The following SNX29 variants were observed in gnomAD, a reference collection of about 807,000 sequenced individuals.
The protein encoded by SNX29 is sorting nexin-29.
Under a neutral mutation model 102.1 loss-of-function variants are expected in SNX29, and 78 were observed. The observed-to-expected ratio is 0.76, with a 90% CI of 0.64 to 0.92. SNX29 has a LOEUF of 0.92. Ranked by LOEUF, SNX29 falls within the 40% of genes least tolerant of loss-of-function variation. The pLI is 0.00. For synonymous variants in SNX29, 580 were observed against 414.5 expected, an observed-to-expected ratio of 1.40 and a Z score of -4.85; for missense variants, 1,280 against 1,061.7, an observed-to-expected ratio of 1.21 and a Z score of -2.86.
At chr16:12,205,164 A>G (rs1479455094) in intron 14 of SNX29, among the ~76,000 whole-genome samples, 1 of 152,160 alleles carries the variant, frequency 6.6e-6, no homozygotes, top group African/African-American at 2.4e-5. Context: ...CTTGCAGGGT[A>G]ACTTTTTATT....
intron 18 of SNX29, among the ~76,000 whole-genome samples, chr16:12,429,705 A>AT (rs1467467608): frequency 1.3e-5 from 2 of 152,144 alleles, no homozygotes; most frequent in Non-Finnish European, 2.9e-5. Context: ...TTTGCTCAAC[A>AT]TTTAAGTTTT....
At chr16:12,481,425 CAT>C (rs1788336999) in intron 19 of SNX29, among the ~76,000 whole-genome samples, 1 of 149,634 alleles carries the variant, frequency 6.7e-6, no homozygotes, top group Admixed American at 6.7e-5. Context: ...TACATACACA[CAT>C]ATACACATAT....
intron 19 of SNX29, among the ~76,000 whole-genome samples, chr16:12,494,713 G>A (rs575852282): frequency 6.6e-6 from 1 of 152,208 alleles, no homozygotes; most frequent in South Asian, 2.1e-4. Flanking sequence ...GTTCTTTTTT[G>A]TAATGAGTTT....
chr16:12,186,871 A>G (rs1030993866), intron 13 of SNX29, among the ~76,000 whole-genome samples: 1 of 152,230 alleles, frequency 6.6e-6, no homozygotes, highest in East Asian at 1.9e-4. Flanking sequence ...ATAAAGAGAC[A>G]CTATAGCAAG....
chr16:12,146,262 A>ATTT (rs112354273), intron 13 of SNX29, among the ~76,000 whole-genome samples: 7 of 143,916 alleles, frequency 4.9e-5, no homozygotes, highest in African/African-American at 1.8e-4. Context: ...AAAGTATATG[A>ATTT]TTTTTTTTTT....
intron 16 of SNX29, among the ~76,000 whole-genome samples, chr16:12,391,315 G>A (rs2083521547): frequency 6.6e-6 from 1 of 152,128 alleles, no homozygotes; most frequent in Non-Finnish European, 1.5e-5. Context: ...AACATCATAG[G>A]TTAATTAATT....
chr16:12,442,470 G>C (rs2085850601), intron 18 of SNX29, among the ~76,000 whole-genome samples: 1 of 152,186 alleles, frequency 6.6e-6, no homozygotes, highest in Non-Finnish European at 1.5e-5. Context: ...GGGCCAGATA[G>C]TAAATATTTT....
intron 11 of SNX29, among the ~76,000 whole-genome samples, chr16:12,119,676 C>T (rs1045062214): frequency 4.0e-4 from 61 of 152,212 alleles, no homozygotes; most frequent in African/African-American, 1.4e-3. Flanking sequence ...TGAGGCTGTG[C>T]GCTGCCTCCC....
intron 4 of SNX29, 21 bp from the exon 5 acceptor site, chr16:12,042,876 G>A (rs747148865): frequency 3.1e-6 from 5 of 1,587,770 alleles, no homozygotes; most frequent in East Asian, 4.5e-5. Flanking sequence ...AGTGCCAGGC[G>A]CCTGTGCCCT....
At chr16:12,209,349 C>G (rs913008846) in intron 14 of SNX29, among the ~76,000 whole-genome samples, 1 of 152,170 alleles carries the variant, frequency 6.6e-6, no homozygotes, top group Non-Finnish European at 1.5e-5. Flanking sequence ...GCCACCATGC[C>G]TGGCTCATTT....
intron 19 of SNX29, among the ~76,000 whole-genome samples, chr16:12,513,351 C>G (rs1321921122): frequency 6.6e-6 from 1 of 150,548 alleles, no homozygotes; most frequent in Admixed American, 6.6e-5. Context: ...CTGCCCTGCT[C>G]TCTTCTCCTC....
At chr16:12,509,061 C>T (rs977019926) in intron 19 of SNX29, among the ~76,000 whole-genome samples, 3 of 152,180 alleles carry the variant, frequency 2.0e-5, no homozygotes, top group African/African-American at 7.2e-5. Flanking sequence ...GGTCTCTCTG[C>T]CCACTGAGAC....
rs566967680 is a variant in SNX29, at chr16:12,565,503, C to T, written c.2319-3003C>T. 3.9e-5 allele frequency among the ~76,000 whole-genome samples: 6 copies of T among 152,292 alleles called. No individual in the cohort carries two copies. The South Asian group carries it at 1.2e-3, about 32-fold the overall frequency. ...AGCACCCCTGCCTCCAAGCCTGTGT[C>T]CCGAGACATGGCTCTGCTCCACATG... On this transcript the variant is annotated intron_variant, in intron 20 of 20. Coordinates refer to ENST00000566228, the MANE Select transcript of SNX29 (RefSeq NM_032167.5).
chr16:12,418,011 G>A (rs2151574225), intron 18 of SNX29, among the ~76,000 whole-genome samples: 1 of 152,100 alleles, frequency 6.6e-6, no homozygotes, highest in East Asian at 1.9e-4. Flanking sequence ...TAAAGCCGCA[G>A]GGCACGTTTT....
At chr16:12,465,392 G>A (rs1315800011) in intron 18 of SNX29, among the ~76,000 whole-genome samples, 2 of 152,002 alleles carry the variant, frequency 1.3e-5, no homozygotes, top group African/African-American at 4.8e-5. Flanking sequence ...TTTTTATATG[G>A]TGTAAGACAA....
intron 1 of SNX29, among the ~76,000 whole-genome samples, chr16:11,985,101 T>A (rs1015886600): frequency 9.7e-4 from 146 of 150,800 alleles, no homozygotes; most frequent in African/African-American, 2.9e-3. Context: ...TTTTGATTCC[T>A]TTTTTTTTTG....
At chr16:12,105,889 A>T (rs2053216104) in intron 11 of SNX29, among the ~76,000 whole-genome samples, 1 of 151,922 alleles carries the variant, frequency 6.6e-6, no homozygotes, top group Non-Finnish European at 1.5e-5. Context: ...TGGGTGGGGG[A>T]CTGCGACCAT....
intron 11 of SNX29, among the ~76,000 whole-genome samples, chr16:12,125,535 C>G (rs1014838280): frequency 6.8e-6 from 1 of 147,824 alleles, no homozygotes; most frequent in African/African-American, 2.5e-5. Context: ...CCATCGTCCT[C>G]TGTTTCTCAC....
At chr16:11,999,903 TA>T (rs369495382) in intron 2 of SNX29, among the ~76,000 whole-genome samples, 423 of 142,694 alleles carry the variant, frequency 3.0e-3, no homozygotes, top group African/African-American at 4.2e-3. Flanking sequence ...TTTGTGTCAT[TA>T]AAAAAAAAAA....
Sources: gnomAD v4.1 joint callset for allele counts (sites outside exome capture counted in the v4.1 genomes callset) on GRCh38, gnomAD v4.1.1 for gene constraint, MANE v1.5 for transcripts, NCBI Gene and HGNC (gene_info 2026-07-23, HGNC 2026-07-21) for gene names.